The following UPF2 variants were observed in gnomAD, a reference collection of about 807,000 sequenced individuals.
UPF2 encodes the protein UPF2 regulator of nonsense mediated mRNA decay.
A neutral mutation model predicts 141.4 loss-of-function variants in UPF2; 17 were observed. The observed-to-expected ratio is 0.12, with a 90% CI of 0.08 to 0.18. UPF2 has a LOEUF of 0.18. Ranked by LOEUF, UPF2 falls within the 10% of genes least tolerant of loss-of-function variation. The probability of loss-of-function intolerance (pLI) is 1.00; values close to 1 mark genes in which losing one functional copy is unlikely to be tolerated. For missense variants in UPF2, 1,152 were observed against 1,515.9 expected (o/e 0.76, Z 3.99); for synonymous variants, 540 against 498.0 (o/e 1.08, Z -1.12).
At position 11,939,750 on chromosome 10, in the gene UPF2, C is replaced by G. The variant is rs1832913715; in HGVS notation, c.3378+2915G>C. On this transcript the variant is annotated intron_variant, in intron 18 of 21. Transcript: ENST00000357604. This position sits in a 1 kb window ranked among gnomAD's most constrained non-coding sequence, Gnocchi z 4.8. ...CAGGCTGGTCTTGAACTCCTGACCT[C>G]AGGTGATCCACCCGCCTCGGCCTCC... is the stretch of plus-strand genomic sequence containing the variant. Among the ~76,000 whole-genome samples the G allele has an allele frequency of 6.6e-6, 1 of 151,984 alleles. No individual in the cohort carries two copies. Among genetic ancestry groups the G allele is most frequent in the Non-Finnish European group, 1.5e-5 (1 of 67,980 alleles).
intron 18 of UPF2, among the ~76,000 whole-genome samples, chr10:11,938,882 T>TTTTTTTTTTTTTTTTA (rs1832899990): frequency 8.6e-6 from 1 of 116,554 alleles, no homozygotes; most frequent in Admixed American, 9.9e-5. Context: ...TTTTTTTTTT[T>TTTTTTTTTTTTTTTTA]GGAGACGGAG....
intron 20 of UPF2, among the ~76,000 whole-genome samples, chr10:11,930,491 T>C (rs1036897470): frequency 2.6e-5 from 4 of 152,244 alleles, no homozygotes; most frequent in African/African-American, 9.6e-5. Context: ...ATTAAGAATG[T>C]TGGAGCCGGG....
At position 11,921,362 on chromosome 10, in the gene UPF2, AGCAAGATG is replaced by A. The variant is rs945974155; in HGVS notation, c.3810-63_3810-56del. ...AGCTTACTGCCACAGGACAAAGTCC[AGCAAGATG>A]GCGTCTGCAACGCTACCCACCACCA... On this transcript the variant is annotated intron_variant, in intron 21 of 21. Coordinates refer to ENST00000357604, the MANE Select transcript of UPF2 (RefSeq NM_015542.4). The surrounding 1 kb of genome is among the most constrained non-coding windows in gnomAD (Gnocchi z 5.9). 1 of 1,612,072 alleles carries A rather than the reference AGCAAGATG, an allele frequency of 6.2e-7. No homozygotes were observed. Among genetic ancestry groups the A allele is most frequent in the African/African-American group, 1.3e-5 (1 of 74,890 alleles).
intron 11 of UPF2, among the ~76,000 whole-genome samples, chr10:11,961,872 G>C (rs1172457175): frequency 6.6e-6 from 1 of 152,132 alleles, no homozygotes; most frequent in Non-Finnish European, 1.5e-5. Context: ...TCGACTGTGG[G>C]TATACCAAGT....
At position 11,921,193 on chromosome 10, in the gene UPF2, G is replaced by C. The variant is rs989254055; in HGVS notation, c.*105C>G. ...CCAGGTTTAGATTCGCAACTCTCTA[G>C]ACCGACCTGCTGAGATGTGTCCACT... On this transcript the variant is annotated 3_prime_UTR_variant, in exon 22 of 22. Transcript: ENST00000357604. The surrounding 1 kb of genome is among the most constrained non-coding windows in gnomAD (Gnocchi z 5.9). 16 of 1,512,828 alleles carry C rather than the reference G, an allele frequency of 1.1e-5. No individual in the cohort carries two copies. The highest frequency in any genetic ancestry group is 1.5e-5 in the Non-Finnish European group (16 of 1,087,918). 93.7% of individuals were successfully genotyped at this position (1,512,828 alleles called of 1,614,324 possible).
chr10:12,009,178 C>A (rs1256797534), intron 4 of UPF2, among the ~76,000 whole-genome samples: 2 of 151,856 alleles, frequency 1.3e-5, no homozygotes, highest in African/African-American at 4.8e-5. Context: ...TCCTTTTAAC[C>A]CAAGAATTCT....
At chr10:11,981,115 T>G (rs1480734250) in intron 8 of UPF2, among the ~76,000 whole-genome samples, 1 of 151,920 alleles carries the variant, frequency 6.6e-6, no homozygotes, top group East Asian at 1.9e-4. Flanking sequence ...GTGAGCCAAG[T>G]CCATGCCACC....
At chr10:11,995,511 G>A (rs545584549) in intron 8 of UPF2, among the ~76,000 whole-genome samples, 3 of 152,240 alleles carry the variant, frequency 2.0e-5, no homozygotes, top group South Asian at 2.1e-4. Flanking sequence ...TTTGGCTGGC[G>A]CGGTGGCTCA....
chr10:11,956,473 G>C lies in UPF2; in HGVS notation c.2421C>G (p.Asp807Glu), dbSNP rs1833151412. 6.2e-7 allele frequency: 1 copy of C among 1,613,890 alleles called. No homozygotes were observed. Among genetic ancestry groups the C allele is most frequent in the Non-Finnish European group, 8.5e-7 (1 of 1,179,930 alleles). Residue 807 changes from aspartate to glutamate, a missense_variant, in exon 13 of 22, where the codon GAC becomes GAG. Asp to Glu is a conservative substitution (Grantham distance 45). This residue lies in a region of UPF2 where 739 missense variants were observed against 1,032.2 expected (regional missense o/e 0.72). Transcript: ENST00000357604. The surrounding 1 kb of genome is among the most constrained non-coding windows in gnomAD (Gnocchi z 4.2). ...KLPWQDQEVK[D>E]YVICCMINIW... is the part of the protein sequence containing the mutation. ...TGTTTATCATACAACAAATAACATA[G>C]TCTTTCACTTCTTGGTCCTGCCAGG...
chr10:11,952,721 G>T (rs1050469603), intron 14 of UPF2, among the ~76,000 whole-genome samples: 3 of 151,870 alleles, frequency 2.0e-5, no homozygotes, highest in African/African-American at 7.3e-5. Context: ...TGATCCGCCC[G>T]CCTTGGCCTC....
intron 3 of UPF2, among the ~76,000 whole-genome samples, chr10:12,020,395 G>A (rs1397017821): frequency 6.6e-6 from 1 of 152,032 alleles, no homozygotes. Context: ...GGGATTACAG[G>A]CATGCGCCAC....
At chr10:12,039,752 C>G (rs745610380) in intron 1 of UPF2, among the ~76,000 whole-genome samples, 1 of 151,950 alleles carries the variant, frequency 6.6e-6, no homozygotes, top group Non-Finnish European at 1.5e-5. Flanking sequence ...TCCCGAGTAG[C>G]TGGGATTACA....
chr10:12,027,223 T>G (rs945497633), intron 3 of UPF2, among the ~76,000 whole-genome samples: 21 of 152,158 alleles, frequency 1.4e-4, no homozygotes, highest in African/African-American at 4.8e-4. Context: ...AAAAATAATT[T>G]TATCTGTTAG....
At chr10:12,004,361 C>T (rs2131270545) in intron 5 of UPF2, among the ~76,000 whole-genome samples, 169 bp downstream of exon 5, 1 of 152,294 alleles carries the variant, frequency 6.6e-6, no homozygotes, top group East Asian at 1.9e-4. Context: ...CAATTATCAT[C>T]CTTTAATGCT....
chr10:12,032,663 A>C (rs1465202322), intron 2 of UPF2, among the ~76,000 whole-genome samples: 8 of 151,664 alleles, frequency 5.3e-5, no homozygotes, highest in Non-Finnish European at 1.2e-4. Flanking sequence ...ACTTGAGCCC[A>C]GAAGGCAGAG....
intron 8 of UPF2, among the ~76,000 whole-genome samples, chr10:11,988,659 G>A (rs1833733495): frequency 6.6e-6 from 1 of 152,158 alleles, no homozygotes; most frequent in Admixed American, 6.6e-5. Context: ...GTGAGTATGG[G>A]TGCAGGACGA....
At chr10:11,952,725 T>C (rs1833094053) in intron 14 of UPF2, among the ~76,000 whole-genome samples, 1 of 152,018 alleles carries the variant, frequency 6.6e-6, no homozygotes, top group Non-Finnish European at 1.5e-5. Flanking sequence ...CCGCCCGCCT[T>C]GGCCTCCCAA....
intron 18 of UPF2, among the ~76,000 whole-genome samples, chr10:11,938,853 G>GGTTTTTTT (rs1832889411): frequency 1.5e-4 from 12 of 79,816 alleles, no homozygotes; most frequent in Non-Finnish European, 2.8e-4. Flanking sequence ...TTTTTTTTTT[G>GGTTTTTTT]TTTTTTTTTT....
At chr10:11,990,612 G>A (rs1053714881) in intron 8 of UPF2, among the ~76,000 whole-genome samples, 3 of 150,282 alleles carry the variant, frequency 2.0e-5, no homozygotes, top group Non-Finnish European at 4.4e-5. Flanking sequence ...CCTGGGAGGC[G>A]GAGCTTGCAG....
Sources: allele counts gnomAD v4.1 joint callset (sites outside exome capture counted in the v4.1 genomes callset), GRCh38; gene constraint gnomAD v4.1.1; regional missense constraint gnomAD v4.1.1; non-coding constraint Gnocchi (gnomAD v3.1); transcripts MANE v1.5; gene names NCBI Gene and HGNC (gene_info 2026-07-23, HGNC 2026-07-21).